The following HECW2 variants were observed in gnomAD, a reference collection of about 807,000 sequenced individuals.
HECW2 encodes E3 ubiquitin-protein ligase HECW2.
HECW2 carries 61 observed loss-of-function variants against 175.2 expected under a neutral mutation model. The ratio of observed to expected loss-of-function variants is 0.35; its 90% CI spans 0.28 to 0.43. HECW2 has a LOEUF of 0.43. Among genes scored for constraint, HECW2 ranks in the 20% least tolerant of loss-of-function variants. HECW2 has a pLI of 1.00. For synonymous variants in HECW2, 671 were observed against 731.0 expected (o/e 0.92, Z 1.32); for missense variants, 1,524 against 2,000.5 (o/e 0.76, Z 4.54).
At chr2:196,357,360 C>T (rs1239402932) in intron 2 of HECW2, among the ~76,000 whole-genome samples, 13 of 152,142 alleles carry the variant, frequency 8.5e-5, no homozygotes. Context: ...CTCCTCTAAG[C>T]CCTCTCCAAG....
chr2:196,278,133 A>ATATATATATATATATATAT (rs1553489735), intron 15 of HECW2, among the ~76,000 whole-genome samples: 750 of 66,478 alleles, frequency 0.011, 198 homozygotes, highest in East Asian at 0.047. Flanking sequence ...ATAATTAAAA[A>ATATATATATATATATATAT]ATATATATAT....
At chr2:196,380,352 C>T (rs867156484) in intron 2 of HECW2, among the ~76,000 whole-genome samples, 2 of 152,198 alleles carry the variant, frequency 1.3e-5, no homozygotes, top group Non-Finnish European at 2.9e-5. Context: ...AAGGTCTCTC[C>T]TGGGTATGCA....
intron 2 of HECW2, among the ~76,000 whole-genome samples, chr2:196,370,683 C>T (rs1693882620): frequency 6.6e-6 from 1 of 152,184 alleles, no homozygotes; most frequent in African/African-American, 2.4e-5. Context: ...GGCGAGGCTT[C>T]CTGGGATTCA....
intron 2 of HECW2, among the ~76,000 whole-genome samples, chr2:196,431,650 C>T (rs1695716624): frequency 6.6e-6 from 1 of 152,072 alleles, no homozygotes; most frequent in South Asian, 2.1e-4. Context: ...CATCTAAAGT[C>T]CCAACAAAAC....
intron 1 of HECW2, among the ~76,000 whole-genome samples, chr2:196,437,331 G>T (rs765015211): frequency 4.6e-5 from 7 of 152,018 alleles, no homozygotes; most frequent in African/African-American, 7.3e-5. Context: ...CCATGCACCA[G>T]CCGGGCGCAG....
chr2:196,586,900 G>A (rs374423426), intron 1 of HECW2, among the ~76,000 whole-genome samples: 17 of 152,080 alleles, frequency 1.1e-4, no homozygotes, highest in East Asian at 3.9e-4. Flanking sequence ...TGAAATATCT[G>A]CTAGCGTGCA....
chr2:196,241,606 C>T lies in HECW2; in HGVS notation c.3650+478G>A, dbSNP rs572966266. 3.3e-5 allele frequency among the ~76,000 whole-genome samples: 5 copies of T among 152,100 alleles called. No individual in the cohort carries two copies. The East Asian group carries it at 9.6e-4, about 29-fold the overall frequency. On this transcript the variant is annotated intron_variant, in intron 20 of 28. Transcript: ENST00000644978. ...ACAACATGATGATGTTTCAGTTTCC[C>T]CATTTGAAAGGAGGAGATGGATGAA...
chr2:196,412,242 AC>A (rs1172525248), intron 2 of HECW2, among the ~76,000 whole-genome samples: 1 of 152,176 alleles, frequency 6.6e-6, no homozygotes, highest in Non-Finnish European at 1.5e-5. Context: ...TTCTTTTGCG[AC>A]CAGTGTAGGA....
Position 196,450,523 on chromosome 2 carries a change from C to G in HECW2, c.-35-17065G>C, listed in dbSNP as rs1018644025. On this transcript the variant is annotated intron_variant, in intron 1 of 28. Coordinates refer to ENST00000644978, the MANE Select transcript of HECW2 (RefSeq NM_001348768.2). ...TTTTTTTTTTTGAGATGGAGTTTCT[C>G]TCTTGTTTCCCAGGCTGGAGTACAA... Among the ~76,000 whole-genome samples, 16 of 137,600 alleles carry G rather than the reference C, an allele frequency of 1.2e-4. No homozygotes were observed. In the Admixed American group the frequency reaches 1.2e-3, roughly 10 times the overall value. The allele number at this position is 137,600 out of a possible 152,430, so 90.3% of individuals were successfully genotyped here. A position where few individuals can be genotyped will look rare whatever the true frequency, so the allele number is the denominator to read the frequency against.
At chr2:196,364,121 C>CTA (rs1438216921) in intron 2 of HECW2, among the ~76,000 whole-genome samples, 1 of 152,196 alleles carries the variant, frequency 6.6e-6, no homozygotes, top group Non-Finnish European at 1.5e-5. Flanking sequence ...CCTGAGGCTC[C>CTA]TATAACTCTG....
intron 2 of HECW2, 102 bp downstream of exon 2, chr2:196,433,030 G>T: frequency 9.7e-7 from 1 of 1,032,268 alleles, no homozygotes; most frequent in Non-Finnish European, 1.4e-6. Flanking sequence ...GTGTATATGT[G>T]CATGTGAATT....
intron 2 of HECW2, among the ~76,000 whole-genome samples, chr2:196,390,486 C>T (rs1317637523): frequency 6.6e-6 from 1 of 152,170 alleles, no homozygotes; most frequent in Non-Finnish European, 1.5e-5. Flanking sequence ...GCAAAAGTCG[C>T]TGCATGGAAA....
intron 1 of HECW2, among the ~76,000 whole-genome samples, chr2:196,524,036 G>T (rs949225269): frequency 6.7e-6 from 1 of 149,908 alleles, no homozygotes; most frequent in Non-Finnish European, 1.5e-5. Flanking sequence ...GATTGGAATA[G>T]TTTCAGAAGG....
At chr2:196,234,622 T>G (rs1688174962) in intron 21 of HECW2, among the ~76,000 whole-genome samples, 1 of 152,082 alleles carries the variant, frequency 6.6e-6, no homozygotes, top group South Asian at 2.1e-4. Flanking sequence ...ATCATATAAC[T>G]TTAGTTGCTA....
In HECW2 at chr2:196,200,966, A is replaced by T; in HGVS notation, c.*311T>A. 1 of 200,234 alleles carries T rather than the reference A, an allele frequency of 5.0e-6. No individual in the cohort carries two copies. The highest frequency in any genetic ancestry group is 1.1e-4 in the East Asian group (1 of 9,302). 12.4% of individuals were successfully genotyped at this position (200,234 alleles called of 1,614,324 possible). On this transcript the variant is annotated 3_prime_UTR_variant, in exon 29 of 29. Coordinates refer to ENST00000644978, the MANE Select transcript of HECW2 (RefSeq NM_001348768.2). ...TCAAGATTCTCCTGAGTCCCTAAAA[A>T]TTACCGTGGAGCTGATCATGTATGG... is the stretch of plus-strand genomic sequence containing the variant.
chr2:196,583,532 G>A (rs1690868345), intron 1 of HECW2, among the ~76,000 whole-genome samples: 1 of 152,204 alleles, frequency 6.6e-6, no homozygotes, highest in South Asian at 2.1e-4. Flanking sequence ...TGATCCTGAT[G>A]CTGCCTGGAC....
rs1261027308 is a variant in HECW2 at position 196,401,190 on chromosome 2, A to G, written c.292+31942T>C. On this transcript the variant is annotated intron_variant, in intron 2 of 28. Transcript: ENST00000644978. ...GGATGTTTACTGCAGCACTATTTGT[A>G]ATATCAAATATTAAGACCAACCCAA... 2.0e-5 allele frequency among the ~76,000 whole-genome samples: 3 copies of G among 152,218 alleles called. No individual in the cohort carries two copies. In the East Asian group the frequency reaches 5.8e-4, roughly 29 times the overall value.
At chr2:196,516,283 A>G (rs1422138514) in intron 1 of HECW2, among the ~76,000 whole-genome samples, 6 of 152,228 alleles carry the variant, frequency 3.9e-5, no homozygotes, top group African/African-American at 7.2e-5. Flanking sequence ...CAGACAGTCT[A>G]TGTTCAAAGC....
chr2:196,228,302 A>C, intron 21 of HECW2, 48 bp from the exon 22 acceptor site: 1 of 1,548,220 alleles, frequency 6.5e-7, no homozygotes, highest in South Asian at 1.2e-5. Context: ...TTTTTTCTAG[A>C]TATTGGGCAG....
Sources: gnomAD v4.1 joint callset for allele counts (sites outside exome capture counted in the v4.1 genomes callset) on GRCh38, gnomAD v4.1.1 for gene constraint, MANE v1.5 for transcripts, NCBI Gene and HGNC (gene_info 2026-07-23, HGNC 2026-07-21) for gene names.